The following ALKAL2 variants were observed in gnomAD, a reference collection of about 807,000 sequenced individuals.
The protein encoded by ALKAL2 is AUG-alpha.
Under a neutral mutation model 18.5 loss-of-function variants are expected in ALKAL2, and 8 were observed. That is an observed-to-expected ratio of 0.43 (90% CI 0.25 to 0.78). The LOEUF is 0.78. Among genes scored for constraint, ALKAL2 ranks in the 30% least tolerant of loss-of-function variants. The pLI, the probability that ALKAL2 is intolerant of heterozygous loss-of-function variation, is 0.22. For missense variants in ALKAL2, 241 were observed against 211.2 expected, an observed-to-expected ratio of 1.14 and a Z score of -0.88; for synonymous variants, 135 against 95.8, an observed-to-expected ratio of 1.41 and a Z score of -2.39.
intron 4 of ALKAL2, chr2:285,914 C>T (rs929862194): frequency 2.4e-5 from 13 of 542,984 alleles, no homozygotes; most frequent in Non-Finnish European, 4.2e-5. Context: ...ATTCCAATGA[C>T]TGTAAATAAT....
In ALKAL2 at chr2:287,573, CCCCACTCA is replaced by C; in HGVS notation, c.253+2_253+9del. 7.1e-7 allele frequency: 1 copy of C among 1,415,358 alleles called. No individual in the cohort carries two copies. Among genetic ancestry groups the C allele is most frequent in the Non-Finnish European group, 9.2e-7 (1 of 1,090,972 alleles). The allele number at this position is 1,415,358 out of a possible 1,614,324, so 87.7% of individuals were successfully genotyped here. A position where few individuals can be genotyped will look rare whatever the true frequency, so the allele number is the denominator to read the frequency against. On this transcript the variant is annotated splice_donor_variant and splice_donor_5th_base_variant and intron_variant, in intron 2 of 5. Transcript: ENST00000403610. LOFTEE classifies it high-confidence loss of function. Reference sequence around the variant, plus strand: ...AGCCCCGGCCCTCGGGCGCGCTCGGCCCCACTCACCCACTCGCTGCTCCGGCGAAGGCC... The same window carrying C: ...AGCCCCGGCCCTCGGGCGCGCTCGGCCCCACTCGCTGCTCCGGCGAAGGCC...
chr2:287,831 C>T lies in ALKAL2; in HGVS notation c.5G>A (p.Arg2His). 7.6e-7 allele frequency: 1 copy of T among 1,313,760 alleles called. No individual in the cohort carries two copies. Among genetic ancestry groups the T allele is most frequent in the South Asian group, 2.3e-5 (1 of 42,748 alleles). 81.4% of individuals were successfully genotyped at this position (1,313,760 alleles called of 1,614,324 possible). The change falls in exon 2 of 6, where the codon CGC (arginine) becomes CAC (histidine). Residue 2 changes from arginine to histidine, a missense_variant. Physicochemically the swap from Arg to His is conservative, Grantham distance 29. Coordinates refer to ENST00000403610, the MANE Select transcript of ALKAL2 (RefSeq NM_001002919.3). M[R>H]GPGHPLLLGL... The stretch of plus-strand genomic sequence containing the variant: ...CAGGAGGAGGGGGTGCCCGGGTCCG[C>T]GCATCGTGCGCTCGGGGCCGCGGGG...
chr2:287,800 C>A lies in ALKAL2; in HGVS notation c.36G>T (p.Leu12=). Residue 12 remains leucine, a synonymous_variant, in exon 2 of 6, where the codon CTG becomes CTT. Transcript: ENST00000403610. ...RGPGHPLLLG[L]LLVLGAAGRG... ...GCCCCGCCGCCCCCAGCACCAGCAG[C>A]AGCCCCAGGAGGAGGGGGTGCCCGG... The A allele has an allele frequency of 7.3e-7, 1 of 1,375,634 alleles. No individual in the cohort carries two copies. Among genetic ancestry groups the A allele is most frequent in the Non-Finnish European group, 9.3e-7 (1 of 1,072,224 alleles). 85.2% of individuals were successfully genotyped at this position (1,375,634 alleles called of 1,614,324 possible). A position where few individuals can be genotyped will look rare whatever the true frequency, so the allele number is the denominator to read the frequency against.
At chr2:283,654 G>A (rs1251032115) in intron 4 of ALKAL2, 6 of 929,812 alleles carry the variant, frequency 6.5e-6, no homozygotes, top group African/African-American at 1.8e-5. Context: ...GATGGCGAGC[G>A]GAAGCAATGT....
At position 283,037 on chromosome 2, in the gene ALKAL2, C is replaced by G. The variant is rs1558268022; in HGVS notation, c.453+74G>C. On this transcript the variant is annotated intron_variant, in intron 5 of 5. Coordinates refer to ENST00000403610, the MANE Select transcript of ALKAL2 (RefSeq NM_001002919.3). ...CCAAAGAATGAGTGTTCCTAAACTCCCATGAATTTTTCATGTCCCAAGCGG... is the reference window on the plus strand; with the variant it reads ...CCAAAGAATGAGTGTTCCTAAACTCGCATGAATTTTTCATGTCCCAAGCGG... 3 of 1,428,092 alleles carry G rather than the reference C, an allele frequency of 2.1e-6. No individual in the cohort carries two copies. The African/African-American group carries it at 4.3e-5, about 20-fold the overall frequency. 88.5% of individuals were successfully genotyped at this position (1,428,092 alleles called of 1,614,324 possible). A position where few individuals can be genotyped will look rare whatever the true frequency, so the allele number is the denominator to read the frequency against.
chr2:287,394 G>C (rs1670551753), intron 2 of ALKAL2, 189 bp downstream of exon 2: 2 of 440,452 alleles, frequency 4.5e-6, no homozygotes, highest in Non-Finnish European at 7.5e-6. Flanking sequence ...AGGAGACCAG[G>C]CGCTTCTCCG....
intron 5 of ALKAL2, among the ~76,000 whole-genome samples, chr2:282,788 G>A (rs779139863): frequency 6.6e-5 from 10 of 152,200 alleles, no homozygotes; most frequent in South Asian, 4.1e-4. Flanking sequence ...TGAATGCCTC[G>A]AAGTAAACGG....
At chr2:283,732 C>T (rs993257257) in intron 4 of ALKAL2, 3 of 305,502 alleles carry the variant, frequency 9.8e-6, no homozygotes, top group South Asian at 1.3e-4. Flanking sequence ...CTATTCTGAC[C>T]GTGCTGCCTA....
Position 287,588 on chromosome 2 carries a change from C to T in ALKAL2, c.248G>A (p.Arg83Gln), listed in dbSNP as rs1670562531. ...AAGLGPSPEQ[R>Q]VEIVPRDLRM... The stretch of plus-strand genomic sequence containing the variant: ...GCGCGCTCGGCCCCACTCACCCACT[C>T]GCTGCTCCGGCGAAGGCCCCAGCCC... Residue 83 changes from arginine (R) to glutamine (Q), a missense_variant, in exon 2 of 6, where the codon CGA becomes CAA. Arg to Gln is a conservative substitution (Grantham distance 43). Transcript: ENST00000403610. 12 of 1,458,078 alleles carry T rather than the reference C, an allele frequency of 8.2e-6. No individual in the cohort carries two copies. The highest frequency in any genetic ancestry group is 1.1e-5 in the Non-Finnish European group (12 of 1,111,442). The allele number at this position is 1,458,078 out of a possible 1,614,324, so 90.3% of individuals were successfully genotyped here. A position where few individuals can be genotyped will look rare whatever the true frequency, so the allele number is the denominator to read the frequency against.
chr2:287,490 G>T, intron 2 of ALKAL2, 93 bp downstream of exon 2: 3 of 800,876 alleles, frequency 3.7e-6, no homozygotes, highest in Non-Finnish European at 5.2e-6. Context: ...CTGTTCAGTG[G>T]TCAAAATTGA....
At chr2:285,979 C>G in intron 4 of ALKAL2, 144 bp downstream of exon 4, 1 of 646,134 alleles carries the variant, frequency 1.5e-6, no homozygotes, top group Non-Finnish European at 2.7e-6. Context: ...AATGGTCTGG[C>G]GATCTTGGCC....
chr2:285,695 T>C (rs144133055), intron 4 of ALKAL2, among the ~76,000 whole-genome samples: 19 of 152,334 alleles, frequency 1.2e-4, no homozygotes, highest in African/African-American at 4.6e-4. Flanking sequence ...CACAATGAAA[T>C]TCCTGGGTGA....
At position 287,634 on chromosome 2, in the gene ALKAL2, G is replaced by T; in HGVS notation, c.202C>A (p.Leu68Met). 1 of 1,481,790 alleles carries T rather than the reference G, an allele frequency of 6.7e-7. No individual in the cohort carries two copies. Among genetic ancestry groups the T allele is most frequent in the Non-Finnish European group, 8.9e-7 (1 of 1,122,252 alleles). 91.8% of individuals were successfully genotyped at this position (1,481,790 alleles called of 1,614,324 possible). A position where few individuals can be genotyped will look rare whatever the true frequency, so the allele number is the denominator to read the frequency against. ...GLQLLGRDCA[L>M]GRAEAAGLGP... ...AGCCCCGCCGCCTCCGCGCGGCCCAGGGCGCAGTCCCGCCCGAGGAGCTGC... is the reference window on the plus strand; with the variant it reads ...AGCCCCGCCGCCTCCGCGCGGCCCATGGCGCAGTCCCGCCCGAGGAGCTGC... The change falls in exon 2 of 6, where the codon CTG becomes ATG. Residue 68 changes from leucine (L) to methionine (M), a missense_variant. Leu to Met is a conservative substitution (Grantham distance 15). Transcript: ENST00000403610.
At chr2:283,477 A>G in intron 4 of ALKAL2, 1 of 985,398 alleles carries the variant, frequency 1.0e-6, no homozygotes. Context: ...TCTCAGAAAT[A>G]ACTTCATTTC....
rs1670546608 is a variant in ALKAL2, at chr2:287,300, CT to C, written c.253+282del. 15 of 332,816 alleles carry C rather than the reference CT, an allele frequency of 4.5e-5. No individual in the cohort carries two copies. The East Asian group carries it at 7.0e-4, about 16-fold the overall frequency. The allele number at this position is 332,816 out of a possible 1,614,324, so 20.6% of individuals were successfully genotyped here. On this transcript the variant is annotated intron_variant, in intron 2 of 5. Transcript: ENST00000403610. ...TTCCTTTTCAGTTGGGAAAGCTTTG[CT>C]GGAAATGCTTCCATTTCCAAAGTGA...
intron 5 of ALKAL2, among the ~76,000 whole-genome samples, chr2:280,963 G>A (rs1294290172): frequency 6.6e-6 from 1 of 152,256 alleles, no homozygotes; most frequent in African/African-American, 2.4e-5. Context: ...GGACAGAAGT[G>A]CATGTGGCAG....
Position 288,000 on chromosome 2 carries a change from C to T in ALKAL2, c.-58+13G>A, listed in dbSNP as rs1054088060. 6 of 1,232,176 alleles carry T rather than the reference C, an allele frequency of 4.9e-6. No homozygotes were observed. Among genetic ancestry groups the T allele is most frequent in the Non-Finnish European group, 5.1e-6 (5 of 989,740 alleles). The allele number at this position is 1,232,176 out of a possible 1,614,324, so 76.3% of individuals were successfully genotyped here. A position where few individuals can be genotyped will look rare whatever the true frequency, so the allele number is the denominator to read the frequency against. ...GGCGGGAGGAGCCGCTGGCGCTGGA[C>T]CCGGCCCCTCACCTCCGCGGACCCC... On this transcript the variant is annotated intron_variant, in intron 1 of 5. Coordinates refer to ENST00000403610, the MANE Select transcript of ALKAL2 (RefSeq NM_001002919.3).
rs1422693673 is a variant in ALKAL2 at position 279,881 on chromosome 2, A to G, written c.*266T>C. ...AAGACAATGAAATATTCTGTGTTTTATAGCACTACACGTCAAATGTGGAGC... is the reference window on the plus strand; with the variant it reads ...AAGACAATGAAATATTCTGTGTTTTGTAGCACTACACGTCAAATGTGGAGC... On this transcript the variant is annotated 3_prime_UTR_variant, in exon 6 of 6. Coordinates refer to ENST00000403610, the MANE Select transcript of ALKAL2 (RefSeq NM_001002919.3). 6.9e-6 allele frequency: 3 copies of G among 436,704 alleles called. No individual in the cohort carries two copies. The highest frequency in any genetic ancestry group is 1.2e-5 in the Non-Finnish European group (3 of 243,574). The allele number at this position is 436,704 out of a possible 1,614,324, so 27.1% of individuals were successfully genotyped here. A position where few individuals can be genotyped will look rare whatever the true frequency, so the allele number is the denominator to read the frequency against.
Position 280,057 on chromosome 2 carries a change from G to T in ALKAL2, c.*90C>A. The T allele has an allele frequency of 7.1e-7, 1 of 1,414,084 alleles. No homozygotes were observed. Among genetic ancestry groups the T allele is most frequent in the Non-Finnish European group, 1.0e-6 (1 of 998,472 alleles). The allele number at this position is 1,414,084 out of a possible 1,614,324, so 87.6% of individuals were successfully genotyped here. ...CTGCAAAAATAAATCTCTTGTCCAT[G>T]AGGGGATGTGTATAAAGATAGTTCT... On this transcript the variant is annotated 3_prime_UTR_variant, in exon 6 of 6. Transcript: ENST00000403610.
Sources: gnomAD v4.1 joint callset for allele counts (sites outside exome capture counted in the v4.1 genomes callset) on GRCh38, gnomAD v4.1.1 for gene constraint, MANE v1.5 for transcripts, NCBI Gene and HGNC (gene_info 2026-07-23, HGNC 2026-07-21) for gene names.